NT5DC3: variants seen among roughly 807,000 people sequenced by gnomAD.
The protein encoded by NT5DC3 is 5'-nucleotidase domain containing 3, also known as 5'-nucleotidase domain-containing protein 3.
NT5DC3 carries 42 observed loss-of-function variants against 67.8 expected under a neutral mutation model. The observed-to-expected ratio is 0.62, with a 90% CI of 0.48 to 0.80. The LOEUF (loss-of-function observed/expected upper bound fraction) is 0.80. NT5DC3 is among the 30% of genes least tolerant of loss of function. The probability of loss-of-function intolerance (pLI) is 0.00; values close to 1 mark genes in which losing one functional copy is unlikely to be tolerated. For synonymous variants in NT5DC3, 237 were observed against 255.6 expected (o/e 0.93, Z 0.69); for missense variants, 570 against 696.4 (o/e 0.82, Z 2.04).
intron 1 of NT5DC3, among the ~76,000 whole-genome samples, chr12:103,839,361 A>G (rs936744093): frequency 6.6e-6 from 1 of 151,902 alleles, no homozygotes; most frequent in East Asian, 1.9e-4. Context: ...ATCCTCCCCA[A>G]CTCAAGCCTC....
chr12:103,749,658 T>C, the NT5DC3 span, among the ~76,000 whole-genome samples: 2 of 145,998 alleles, frequency 1.4e-5, no homozygotes, highest in South Asian at 4.3e-4. Context: ...TGAAACCCCA[T>C]GTCTACTAAA....
At chr12:103,767,364 A>G (rs61373550), downstream of NT5DC3, among the ~76,000 whole-genome samples, 661 of 152,308 alleles carry the variant, frequency 4.3e-3, 7 homozygotes, top group African/African-American at 0.015. Flanking sequence ...AAAATAGGCA[A>G]ATTGATGATT....
At chr12:103,835,047 G>A (rs964847313) in intron 1 of NT5DC3, among the ~76,000 whole-genome samples, 2 of 152,228 alleles carry the variant, frequency 1.3e-5, no homozygotes, top group Admixed American at 6.5e-5. Flanking sequence ...TGCCTCCCCT[G>A]AGGTAGAATG....
chr12:103,765,414 C>T, the NT5DC3 span, among the ~76,000 whole-genome samples: 4 of 152,336 alleles, frequency 2.6e-5, no homozygotes, highest in South Asian at 2.1e-4. Flanking sequence ...TACATTCTCA[C>T]GCCTTTGACA....
At chr12:103,824,437 TTATG>T (rs1468343715) in intron 1 of NT5DC3, among the ~76,000 whole-genome samples, 7 of 152,134 alleles carry the variant, frequency 4.6e-5, no homozygotes, top group Non-Finnish European at 7.4e-5. Flanking sequence ...GCTCCAATCC[TTATG>T]TAAGAAGTGA....
At chr12:103,822,791 T>G (rs189511102) in intron 1 of NT5DC3, among the ~76,000 whole-genome samples, 1 of 152,346 alleles carries the variant, frequency 6.6e-6, no homozygotes, top group Non-Finnish European at 1.5e-5. Context: ...GTTAAAAATA[T>G]TCATACCCTT....
At chr12:103,825,716 A>C (rs1887665681) in intron 1 of NT5DC3, among the ~76,000 whole-genome samples, 1 of 152,242 alleles carries the variant, frequency 6.6e-6, no homozygotes. Context: ...TCAAGGCTGC[A>C]ATGAGCTTGA....
chr12:103,786,681 A>ATT lies in NT5DC3; in HGVS notation c.1188+758_1188+759dup, dbSNP rs3036176. The stretch of plus-strand genomic sequence containing the variant: ...GATGCCCACCTTCCTCACTGGTTTG[A>ATT]TTTTTTTTTTTTTTTTTTTGAGGCA... On this transcript the variant is annotated intron_variant, in intron 11 of 13. Coordinates refer to ENST00000392876, the MANE Select transcript of NT5DC3 (RefSeq NM_001031701.3). 4.1e-3 allele frequency among the ~76,000 whole-genome samples: 549 copies of ATT among 132,362 alleles called. 14 individuals carry two copies. Among genetic ancestry groups the ATT allele is most frequent in the African/African-American group, 0.014 (509 of 35,644 alleles). 86.8% of individuals were successfully genotyped at this position (132,362 alleles called of 152,430 possible).
At position 103,837,636 on chromosome 12, in the gene NT5DC3, G is replaced by A. The variant is rs556972951; in HGVS notation, c.208+3313C>T. On this transcript the variant is annotated intron_variant, in intron 1 of 13. Transcript: ENST00000392876. ...AGTTCCACAAATCTCTAGGGCAGGG[G>A]CAAAATGCCGCCAACCTCTTTGCTA... Among the ~76,000 whole-genome samples, 4 of 152,334 alleles carry A rather than the reference G, an allele frequency of 2.6e-5. No homozygotes were observed. In the East Asian group the frequency reaches 7.7e-4, roughly 29 times the overall value.
intron 1 of NT5DC3, among the ~76,000 whole-genome samples, chr12:103,837,431 C>A (rs571706607): frequency 6.6e-6 from 1 of 150,776 alleles, no homozygotes; most frequent in African/African-American, 2.4e-5. Context: ...AAGTTCCCCT[C>A]AAAAAAAAAT....
chr12:103,834,997 A>G (rs142326686), intron 1 of NT5DC3, among the ~76,000 whole-genome samples: 1 of 152,274 alleles, frequency 6.6e-6, no homozygotes, highest in African/African-American at 2.4e-5. Flanking sequence ...AGCCTCAGAG[A>G]CACATTTCCC....
chr12:103,822,925 A>G (rs1887549460), intron 1 of NT5DC3, among the ~76,000 whole-genome samples: 1 of 152,204 alleles, frequency 6.6e-6, no homozygotes, highest in East Asian at 1.9e-4. Flanking sequence ...AACATGCTCC[A>G]TTTGGAGGCC....
At chr12:103,830,858 T>C (rs1887896136) in intron 1 of NT5DC3, among the ~76,000 whole-genome samples, 2 of 152,226 alleles carry the variant, frequency 1.3e-5, no homozygotes, top group Admixed American at 1.3e-4. Context: ...TCCAATATCT[T>C]AAGTCCTATT....
intron 2 of NT5DC3, among the ~76,000 whole-genome samples, chr12:103,807,924 A>C (rs1886871252): frequency 6.6e-6 from 1 of 152,204 alleles, no homozygotes; most frequent in East Asian, 1.9e-4. Flanking sequence ...CTGTGAGTCC[A>C]TTAAACCTCT....
chr12:103,785,620 C>T lies in NT5DC3; in HGVS notation c.1189-145G>A. The T allele has an allele frequency of 3.6e-6, 3 of 839,656 alleles. No individual in the cohort carries two copies. The South Asian group carries it at 4.4e-5, about 12-fold the overall frequency. 52.0% of individuals were successfully genotyped at this position (839,656 alleles called of 1,614,324 possible). ...TCACCAAGCTGAATTCAATGAATTA[C>T]ATTTAATTAAAACCTATTTGGCCCC... On this transcript the variant is annotated intron_variant, in intron 11 of 13. Transcript: ENST00000392876.
the NT5DC3 span, among the ~76,000 whole-genome samples, chr12:103,760,874 G>A: frequency 6.6e-6 from 1 of 152,226 alleles, no homozygotes; most frequent in Admixed American, 6.5e-5. Context: ...AGGGGAGAAG[G>A]CACAGGGCCT....
Position 103,776,002 on chromosome 12 carries a change from T to C in NT5DC3, c.*1827A>G, listed in dbSNP as rs993658987. 1.3e-5 allele frequency: 2 copies of C among 152,116 alleles called. No homozygotes were observed. The highest frequency in any genetic ancestry group is 6.6e-5 in the Admixed American group (1 of 15,264). The allele number at this position is 152,116 out of a possible 1,614,324, so 9.4% of individuals were successfully genotyped here. A position where few individuals can be genotyped will look rare whatever the true frequency, so the allele number is the denominator to read the frequency against. On this transcript the variant is annotated 3_prime_UTR_variant, in exon 14 of 14. Transcript: ENST00000392876. ...CTGCCATCCTTTAGATTTAAGAATA[T>C]ATACAAGTTACCGCAAAAGCTTAAA...
the NT5DC3 span, among the ~76,000 whole-genome samples, chr12:103,760,409 C>T: frequency 7.6e-3 from 1,156 of 152,238 alleles, 7 homozygotes; most frequent in Non-Finnish European, 0.011. Flanking sequence ...TACAGGTGCC[C>T]GCCACCACAC....
At chr12:103,756,631 C>T in the NT5DC3 span, among the ~76,000 whole-genome samples, 3 of 152,238 alleles carry the variant, frequency 2.0e-5, no homozygotes, top group African/African-American at 7.2e-5. Context: ...TGGTTCCAGC[C>T]TCCCCCTCAT....
Sources: gnomAD v4.1 joint callset for allele counts (sites outside exome capture counted in the v4.1 genomes callset) on GRCh38, gnomAD v4.1.1 for gene constraint, MANE v1.5 for transcripts, NCBI Gene and HGNC (gene_info 2026-07-23, HGNC 2026-07-21) for gene names.